The following PPP2R2B variants were observed in gnomAD, a reference collection of about 807,000 sequenced individuals.
PPP2R2B encodes the protein serine/threonine-protein phosphatase 2A 55 kDa regulatory subunit B beta isoform.
Under a neutral mutation model 46.0 loss-of-function variants are expected in PPP2R2B, and 5 were observed. The observed-to-expected ratio is 0.11, with a 90% CI of 0.06 to 0.23. PPP2R2B has a LOEUF of 0.23. Among genes scored for constraint, PPP2R2B ranks in the 10% least tolerant of loss-of-function variants. The pLI is 1.00. For missense variants in PPP2R2B, 367 were observed against 575.0 expected (o/e 0.64, Z 3.70); for synonymous variants, 215 against 206.7 (o/e 1.04, Z -0.34).
At chr5:146,706,518 T>C in intron 2 of PPP2R2B, 8 of 1,181,766 alleles carry the variant, frequency 6.8e-6, no homozygotes, top group Non-Finnish European at 9.9e-6. Flanking sequence ...GGCACGCAGC[T>C]GCCGCGCCAT....
chr5:146,872,316 C>T (rs1761661926), intron 2 of PPP2R2B, among the ~76,000 whole-genome samples: 1 of 152,188 alleles, frequency 6.6e-6, no homozygotes, highest in African/African-American at 2.4e-5. Context: ...TGTAAGGCAG[C>T]TACTTCTCAC....
At chr5:147,070,685 T>C (rs1447506048) in intron 2 of PPP2R2B, among the ~76,000 whole-genome samples, 1 of 152,168 alleles carries the variant, frequency 6.6e-6, no homozygotes, top group Non-Finnish European at 1.5e-5. Context: ...GTGGTAGCAA[T>C]AGAACTGGTT....
chr5:146,822,653 A>G, intron 2 of PPP2R2B, among the ~76,000 whole-genome samples: 1 of 149,912 alleles, frequency 6.7e-6, no homozygotes. Flanking sequence ...CATACCATTT[A>G]TCAACATATA....
At position 146,650,587 on chromosome 5, in the gene PPP2R2B, C is replaced by A; in HGVS notation, c.585G>T (p.Arg195Ser). The A allele has an allele frequency of 6.2e-7, 1 of 1,613,970 alleles. No individual in the cohort carries two copies. Among genetic ancestry groups the A allele is most frequent in the Non-Finnish European group, 8.5e-7 (1 of 1,179,954 alleles). ...TTATTTCAAAGTTCCATAGGTTAATCCTCAGGTCATCAGCGGACATGTAGG... is the reference window on the plus strand; with the variant it reads ...TTATTTCAAAGTTCCATAGGTTAATACTCAGGTCATCAGCGGACATGTAGG... ...YETYMSADDL[R>S]INLWNFEITN... Residue 195 changes from arginine (R) to serine (S), a missense_variant, in exon 6 of 10, where the codon AGG (arginine) becomes AGT (serine). By Grantham distance (110) the Arg-to-Ser change is moderately radical. Transcript: ENST00000394411.
intron 2 of PPP2R2B, among the ~76,000 whole-genome samples, chr5:147,075,940 TAA>T (rs1284217604): frequency 1.0e-5 from 1 of 98,516 alleles, no homozygotes; most frequent in African/African-American, 3.6e-5. Context: ...TTATGTTGTT[TAA>T]AATATATTTC....
intron 7 of PPP2R2B, 37 bp from the exon 8 acceptor site, chr5:146,600,497 T>A (rs1771676063): frequency 2.5e-6 from 4 of 1,604,060 alleles, no homozygotes; most frequent in Non-Finnish European, 3.4e-6. Context: ...AATTTAGCAA[T>A]CCTTATCAAC....
At chr5:146,800,479 A>G (rs1756795087) in intron 2 of PPP2R2B, among the ~76,000 whole-genome samples, 1 of 152,078 alleles carries the variant, frequency 6.6e-6, no homozygotes, top group Non-Finnish European at 1.5e-5. Context: ...CTGCTTCCTC[A>G]TAGCCACTGC....
chr5:146,842,481 CT>C (rs1290808345), intron 2 of PPP2R2B, among the ~76,000 whole-genome samples: 5,875 of 135,150 alleles, frequency 0.043, 164 homozygotes, highest in Non-Finnish European at 0.061. Context: ...CCTCCATGCC[CT>C]TTTTTTTTTT....
chr5:146,858,495 G>C lies in PPP2R2B; in HGVS notation c.70+19507C>G, dbSNP rs568384467. 2.0e-5 allele frequency among the ~76,000 whole-genome samples: 3 copies of C among 152,080 alleles called. No homozygotes were observed. In the South Asian group the frequency reaches 6.2e-4, roughly 32 times the overall value. ...TACATAGGGGCAACTGCAGTTAGAG[G>C]ATTTAAGTAATGAGCCCATCTTCTT... On this transcript the variant is annotated intron_variant, in intron 2 of 9. Coordinates refer to ENST00000394411, the MANE Select transcript of PPP2R2B (RefSeq NM_181675.4).
chr5:147,005,149 G>A (rs903468480), intron 1 of PPP2R2B, among the ~76,000 whole-genome samples: 1 of 152,172 alleles, frequency 6.6e-6, no homozygotes, highest in Non-Finnish European at 1.5e-5. Flanking sequence ...AACCAATCAA[G>A]CATGACTGCC....
At chr5:146,674,355 T>A (rs1275833709) in intron 5 of PPP2R2B, among the ~76,000 whole-genome samples, 2 of 152,202 alleles carry the variant, frequency 1.3e-5, no homozygotes, top group Non-Finnish European at 2.9e-5. Flanking sequence ...CCCATGACGA[T>A]TTCAACTATG....
chr5:146,950,157 G>A (rs1764607110), intron 1 of PPP2R2B, among the ~76,000 whole-genome samples: 1 of 152,016 alleles, frequency 6.6e-6, no homozygotes, highest in African/African-American at 2.4e-5. Context: ...GAATGCTTGA[G>A]GAGATGGGCA....
chr5:146,715,544 C>T (rs542112499), intron 2 of PPP2R2B, among the ~76,000 whole-genome samples: 15 of 152,190 alleles, frequency 9.9e-5, no homozygotes, highest in Non-Finnish European at 2.1e-4. Context: ...TGACTTTGGT[C>T]ATGATCTGTG....
At chr5:146,826,635 A>T (rs969322938) in intron 2 of PPP2R2B, among the ~76,000 whole-genome samples, 13 of 152,194 alleles carry the variant, frequency 8.5e-5, no homozygotes, top group African/African-American at 3.1e-4. Context: ...AAGAAATTCA[A>T]TTAAAATGCA....
intron 1 of PPP2R2B, among the ~76,000 whole-genome samples, chr5:146,940,479 A>G (rs1363015414): frequency 6.6e-6 from 1 of 151,730 alleles, no homozygotes; most frequent in Non-Finnish European, 1.5e-5. Context: ...GGCCAGATGG[A>G]AGAAGTCCAG....
At chr5:147,002,305 C>T (rs571077239) in intron 1 of PPP2R2B, among the ~76,000 whole-genome samples, 3 of 152,280 alleles carry the variant, frequency 2.0e-5, no homozygotes, top group South Asian at 4.1e-4. Flanking sequence ...GCAGGCCTAA[C>T]AAAAGCTACT....
chr5:146,694,308 C>G (rs2120569), intron 4 of PPP2R2B, among the ~76,000 whole-genome samples: 78,053 of 152,066 alleles, frequency 0.51, 23,334 homozygotes, highest in African/African-American at 0.82. Flanking sequence ...GCATACCGAA[C>G]TGCTTTTTAG....
At chr5:146,875,477 C>T (rs546411978) in intron 2 of PPP2R2B, among the ~76,000 whole-genome samples, 1 of 152,268 alleles carries the variant, frequency 6.6e-6, no homozygotes, top group African/African-American at 2.4e-5. Flanking sequence ...ATGAACTTGC[C>T]TGCAGTCACC....
upstream of PPP2R2B, chr5:147,056,248 G>A (rs530067162): frequency 7.2e-5 from 24 of 333,298 alleles, no homozygotes; most frequent in African/African-American, 4.3e-4. Context: ...GGAGCCACCC[G>A]TAATGCCATG....
Sources: allele counts gnomAD v4.1 joint callset (sites outside exome capture counted in the v4.1 genomes callset), GRCh38; gene constraint gnomAD v4.1.1; transcripts MANE v1.5; gene names NCBI Gene and HGNC (gene_info 2026-07-23, HGNC 2026-07-21).